HPSE2: variants seen among roughly 807,000 people sequenced by gnomAD.
HPSE2 encodes heparanase 2 (inactive), also known as inactive heparanase-2.
In HPSE2, 38 loss-of-function variants were observed where a neutral mutation model predicts 60.5. The observed-to-expected ratio is 0.63, with a 90% confidence interval of 0.48 to 0.82. The LOEUF (loss-of-function observed/expected upper bound fraction) is 0.82. Among genes scored for constraint, HPSE2 ranks in the 40% least tolerant of loss-of-function variants. The pLI, the probability that HPSE2 is intolerant of heterozygous loss-of-function variation, is 0.00. For missense variants in HPSE2, 713 were observed against 740.4 expected (o/e 0.96, Z 0.43); for synonymous variants, 295 against 293.2 (o/e 1.01, Z -0.06).
the HPSE2 span, among the ~76,000 whole-genome samples, chr10:99,313,592 A>T: frequency 3.4e-4 from 29 of 84,638 alleles, no homozygotes; most frequent in African/African-American, 4.4e-4. Flanking sequence ...ACTGACTCCA[A>T]TTTTTTTTTT....
intron 2 of HPSE2, among the ~76,000 whole-genome samples, chr10:99,165,081 CAAAAAAA>C (rs56263581): frequency 1.5e-5 from 1 of 65,762 alleles, no homozygotes. Flanking sequence ...GACTCGGTCT[CAAAAAAA>C]AAAAAAAAAA....
chr10:98,646,733 C>T (rs1051315405), intron 6 of HPSE2, among the ~76,000 whole-genome samples: 6 of 152,086 alleles, frequency 3.9e-5, no homozygotes, highest in African/African-American at 1.2e-4. Context: ...CATTTTAGTT[C>T]CAGTACAATA....
chr10:98,974,957 A>G (rs543581378), intron 3 of HPSE2, among the ~76,000 whole-genome samples: 1 of 152,346 alleles, frequency 6.6e-6, no homozygotes, highest in African/African-American at 2.4e-5. Flanking sequence ...GATCTTCAAC[A>G]TAGTAGTTTT....
At chr10:99,058,171 C>A (rs1224745885) in intron 3 of HPSE2, among the ~76,000 whole-genome samples, 1 of 152,192 alleles carries the variant, frequency 6.6e-6, no homozygotes, top group Non-Finnish European at 1.5e-5. Flanking sequence ...GGGAGAGATT[C>A]TCCACAGCTG....
intron 6 of HPSE2, among the ~76,000 whole-genome samples, chr10:98,681,354 T>G (rs946862159): frequency 6.6e-6 from 1 of 152,152 alleles, no homozygotes; most frequent in African/African-American, 2.4e-5. Context: ...TAAAAAAATA[T>G]TTTATAATGA....
intron 9 of HPSE2, among the ~76,000 whole-genome samples, chr10:98,491,936 G>A (rs1279341738): frequency 6.6e-6 from 1 of 152,076 alleles, no homozygotes; most frequent in Non-Finnish European, 1.5e-5. Context: ...TTTAATTTCT[G>A]ATTTTTACAC....
intron 11 of HPSE2, among the ~76,000 whole-genome samples, chr10:98,467,480 T>C (rs369545424): frequency 1.9e-4 from 28 of 150,908 alleles, no homozygotes; most frequent in African/African-American, 6.6e-4. Context: ...TGTTAAATGA[T>C]GAGAGAGAGG....
intron 2 of HPSE2, among the ~76,000 whole-genome samples, chr10:99,184,786 T>TTTTATATATATATATA (rs1431394305): frequency 4.0e-5 from 1 of 25,284 alleles, no homozygotes; most frequent in African/African-American, 1.4e-4. Context: ...CTATCCAAAA[T>TTTTATATATATATATA]TATATATATA....
chr10:99,301,078 G>T, the HPSE2 span, among the ~76,000 whole-genome samples: 1 of 152,154 alleles, frequency 6.6e-6, no homozygotes, highest in African/African-American at 2.4e-5. Context: ...CCCTGAAGAT[G>T]CTTATTGGTT....
At chr10:98,731,577 C>T (rs1949228972) in intron 4 of HPSE2, among the ~76,000 whole-genome samples, 2 of 152,116 alleles carry the variant, frequency 1.3e-5, no homozygotes, top group South Asian at 4.1e-4. Context: ...AATGCAACAC[C>T]CATTCCTGAT....
rs1457861024 is a variant in HPSE2 at position 98,604,899 on chromosome 10, G to A, written c.1320+10005C>T. Among the ~76,000 whole-genome samples the A allele has an allele frequency of 2.6e-5, 4 of 152,282 alleles. No homozygotes were observed. In the East Asian group the frequency reaches 7.7e-4, roughly 29 times the overall value. On this transcript the variant is annotated intron_variant, in intron 9 of 11. Transcript: ENST00000370552. The stretch of plus-strand genomic sequence containing the variant: ...AGTGCCCTACAATGAGTGAGTTGGT[G>A]TCAGAATGTGGAATCAGATCCAGAA...
intron 6 of HPSE2, among the ~76,000 whole-genome samples, chr10:98,665,989 C>A (rs1401906771): frequency 6.6e-6 from 1 of 152,130 alleles, no homozygotes; most frequent in Admixed American, 6.5e-5. Flanking sequence ...CATAGAGTGA[C>A]AAGCTGGATA....
intron 3 of HPSE2, among the ~76,000 whole-genome samples, chr10:98,865,333 G>T (rs1027473691): frequency 6.6e-6 from 1 of 152,002 alleles, no homozygotes; most frequent in Non-Finnish European, 1.5e-5. Flanking sequence ...TTATACTTCT[G>T]GCCAAGATAA....
At chr10:98,776,305 G>A (rs1381836304) in intron 3 of HPSE2, among the ~76,000 whole-genome samples, 1 of 151,584 alleles carries the variant, frequency 6.6e-6, no homozygotes, top group Non-Finnish European at 1.5e-5. Flanking sequence ...AATTCAGCTG[G>A]GTGTGGTGGC....
At chr10:99,305,295 G>A in the HPSE2 span, among the ~76,000 whole-genome samples, 1 of 152,208 alleles carries the variant, frequency 6.6e-6, no homozygotes, top group Non-Finnish European at 1.5e-5. Flanking sequence ...AAAGTGGAGT[G>A]AAAATTTCCA....
At chr10:98,765,605 C>A (rs562537274) in intron 3 of HPSE2, among the ~76,000 whole-genome samples, 1 of 151,768 alleles carries the variant, frequency 6.6e-6, no homozygotes, top group African/African-American at 2.4e-5. Flanking sequence ...TTTGGGAGGC[C>A]GAGACGGGTG....
At chr10:98,931,742 G>A (rs1393726826) in intron 3 of HPSE2, among the ~76,000 whole-genome samples, 1 of 143,266 alleles carries the variant, frequency 7.0e-6, no homozygotes, top group Non-Finnish European at 1.5e-5. Flanking sequence ...GTGAATGGGA[G>A]TTCATTCACG....
chr10:98,539,074 G>A (rs777182173), intron 9 of HPSE2, among the ~76,000 whole-genome samples: 28 of 152,156 alleles, frequency 1.8e-4, no homozygotes, highest in Non-Finnish European at 3.4e-4. Context: ...ATAGGGGAAG[G>A]CAAAACATGA....
At chr10:98,515,260 C>T (rs1942564802) in intron 9 of HPSE2, among the ~76,000 whole-genome samples, 1 of 152,092 alleles carries the variant, frequency 6.6e-6, no homozygotes, top group South Asian at 2.1e-4. Flanking sequence ...GCCCTGGATC[C>T]TACCCTTTTC....
Sources: allele counts gnomAD v4.1 joint callset (sites outside exome capture counted in the v4.1 genomes callset), GRCh38; gene constraint gnomAD v4.1.1; transcripts MANE v1.5; gene names NCBI Gene and HGNC (gene_info 2026-07-23, HGNC 2026-07-21).